Variants in RUFY1 observed in about 807,000 individuals in gnomAD.
The protein encoded by RUFY1 is RUN and FYVE domain containing 1.
Under a neutral mutation model 94.6 loss-of-function variants are expected in RUFY1, and 54 were observed. The observed-to-expected ratio is 0.57, with a 90% confidence interval of 0.46 to 0.72. The LOEUF is 0.72. RUFY1 is among the 30% of genes least tolerant of loss of function. The pLI, the probability that RUFY1 is intolerant of heterozygous loss-of-function variation, is 0.00. For missense variants in RUFY1, 883 were observed against 883.9 expected (o/e 1.00, Z 0.01); for synonymous variants, 396 against 347.3 (o/e 1.14, Z -1.56).
intron 8 of RUFY1, among the ~76,000 whole-genome samples, chr5:179,589,129 T>C (rs1380436520): frequency 2.0e-5 from 3 of 152,228 alleles, no homozygotes; most frequent in Admixed American, 1.3e-4. Flanking sequence ...TATTATATCT[T>C]AAGTATGTTC....
At position 179,565,999 on chromosome 5, in the gene RUFY1, G is replaced by T. The variant is rs79643178; in HGVS notation, c.603-1462G>T. 7.5e-3 allele frequency among the ~76,000 whole-genome samples: 1,146 copies of T among 152,096 alleles called. 35 individuals carry two copies. The highest frequency in any genetic ancestry group is 0.061 in the Admixed American group (923 of 15,256). On this transcript the variant is annotated intron_variant, in intron 3 of 17. Coordinates refer to ENST00000319449, the MANE Select transcript of RUFY1 (RefSeq NM_025158.5). ...TCTACAAAAAAAAAAAATTAGTTGGGTGTGGTAGCACGTGCCTGCTGTCCC... is the reference window on the plus strand; with the variant it reads ...TCTACAAAAAAAAAAAATTAGTTGGTTGTGGTAGCACGTGCCTGCTGTCCC...
chr5:179,551,472 G>C (rs935816027), intron 1 of RUFY1, among the ~76,000 whole-genome samples: 19 of 152,178 alleles, frequency 1.2e-4, no homozygotes, highest in African/African-American at 4.3e-4. Context: ...ATATGTTTTT[G>C]TGTGTGTGTT....
At chr5:179,608,988 CGG>C (rs1302524752) in intron 17 of RUFY1, among the ~76,000 whole-genome samples, 7 of 150,134 alleles carry the variant, frequency 4.7e-5, no homozygotes, top group Non-Finnish European at 8.8e-5. Context: ...GAGGCCAAGG[CGG>C]AGGCAGATCA....
chr5:179,584,990 GC>G (rs1216075703), intron 7 of RUFY1, among the ~76,000 whole-genome samples: 1 of 152,036 alleles, frequency 6.6e-6, no homozygotes, highest in East Asian at 1.9e-4. Flanking sequence ...AATTAGCCGA[GC>G]ATGTTGACGG....
At chr5:179,569,216 A>G in intron 4 of RUFY1, 86 bp from the exon 5 acceptor site, 2 of 1,602,082 alleles carry the variant, frequency 1.2e-6, no homozygotes, top group Non-Finnish European at 1.7e-6. Context: ...TCCAGGGCAC[A>G]GGTGAAAAGG....
At chr5:179,598,355 C>T in intron 13 of RUFY1, 1 of 273,524 alleles carries the variant, frequency 3.7e-6, no homozygotes, top group Non-Finnish European at 7.1e-6. Context: ...AGAGCTAGAC[C>T]CTGTCTCAAA....
At chr5:179,598,288 A>C in intron 13 of RUFY1, 1 of 173,674 alleles carries the variant, frequency 5.8e-6, no homozygotes, top group South Asian at 1.3e-4. Context: ...ACTTGAGCCC[A>C]GGAGGTCGAG....
rs373286885 is a variant in RUFY1 at position 179,552,880 on chromosome 5, T to C, written c.310+2001T>C. Among the ~76,000 whole-genome samples, 12 of 152,356 alleles carry C rather than the reference T, an allele frequency of 7.9e-5. 1 individual carries two copies. The South Asian group carries it at 1.4e-3, about 18-fold the overall frequency. ...TGATAGAAACAATAGCCAACACTTATATTGTCCTTCAAAGGTGCCAGGCAT... is the reference window on the plus strand; with the variant it reads ...TGATAGAAACAATAGCCAACACTTACATTGTCCTTCAAAGGTGCCAGGCAT... On this transcript the variant is annotated intron_variant, in intron 1 of 17. Transcript: ENST00000319449.
chr5:179,570,105 C>T (rs796683855), intron 5 of RUFY1, among the ~76,000 whole-genome samples: 1 of 151,954 alleles, frequency 6.6e-6, no homozygotes, highest in African/African-American at 2.4e-5. Context: ...GTCTCAATCT[C>T]CTGACCTCGT....
In RUFY1 at chr5:179,589,555, G is replaced by A. The variant is rs759321036; in HGVS notation, c.1036G>A (p.Ala346Thr). 1.1e-5 allele frequency: 18 copies of A among 1,613,366 alleles called. No individual in the cohort carries two copies. Among genetic ancestry groups the A allele is most frequent in the Non-Finnish European group, 1.5e-5 (18 of 1,179,454 alleles). ...AATTTTCCTTAATCAGCTTTCAGCT[G>A]CAACAGACCGAATTTGCTCACTTCA... Reference protein sequence around the residue: ...NSKLQEELSAATDRICSLQEE... With the variant: ...NSKLQEELSATTDRICSLQEE... The change falls in exon 9 of 18, where the codon GCA (alanine) becomes ACA (threonine). Residue 346 changes from alanine (A) to threonine (T), a missense_variant. Physicochemically the swap from Ala to Thr is moderately conservative, Grantham distance 58. Transcript: ENST00000319449.
chr5:179,558,248 T>C (rs1323342612), intron 1 of RUFY1, among the ~76,000 whole-genome samples: 1 of 152,180 alleles, frequency 6.6e-6, no homozygotes, highest in African/African-American at 2.4e-5. Flanking sequence ...AATTTATAAA[T>C]ATAATACATA....
At chr5:179,602,183 G>A (rs1766503810) in intron 15 of RUFY1, 197 bp downstream of exon 15, 3 of 570,672 alleles carry the variant, frequency 5.3e-6, no homozygotes, top group African/African-American at 3.7e-5. Flanking sequence ...CACATGGGGT[G>A]TCAGCGAGCT....
At position 179,550,629 on chromosome 5, in the gene RUFY1, G is replaced by A; in HGVS notation, c.60G>A (p.Leu20=). ...AGRGRELEPE[L]EPGPGPGSAL... Reference sequence around the variant, plus strand: ...GGGGGCGGGAGCTGGAGCCGGAGCTGGAGCCGGGGCCGGGGCCCGGGTCAG... The same window carrying A: ...GGGGGCGGGAGCTGGAGCCGGAGCTAGAGCCGGGGCCGGGGCCCGGGTCAG... Residue 20 remains leucine (L), a synonymous_variant, in exon 1 of 18, where the codon CTG becomes CTA. Transcript: ENST00000319449. 1 of 1,375,194 alleles carries A rather than the reference G, an allele frequency of 7.3e-7. No homozygotes were observed. The highest frequency in any genetic ancestry group is 1.4e-5 in the South Asian group (1 of 72,362). The allele number at this position is 1,375,194 out of a possible 1,614,324, so 85.2% of individuals were successfully genotyped here.
intron 9 of RUFY1, among the ~76,000 whole-genome samples, chr5:179,591,267 C>T (rs1004955338): frequency 2.0e-5 from 3 of 152,098 alleles, no homozygotes; most frequent in Non-Finnish European, 4.4e-5. Flanking sequence ...TCACTGCAAG[C>T]TCTGCCTCCC....
chr5:179,607,943 G>C (rs1767282985), intron 17 of RUFY1, among the ~76,000 whole-genome samples: 2 of 152,230 alleles, frequency 1.3e-5, no homozygotes, highest in Admixed American at 6.5e-5. Context: ...CTTGTGTGCA[G>C]AGCTGCTCTA....
Position 179,550,757 on chromosome 5 carries a change from C to T in RUFY1, c.188C>T (p.Ser63Leu). The change falls in exon 1 of 18, where the codon TCG becomes TTG. Residue 63 changes from serine (S) to leucine (L), a missense_variant. Coordinates refer to ENST00000319449, the MANE Select transcript of RUFY1 (RefSeq NM_025158.5). ...ATRPRAAEGW[S>L]APILTLARRA... ...AGGCCGCGGGCGGCCGAGGGCTGGT[C>T]GGCGCCCATCCTGACCCTGGCACGC... The T allele has an allele frequency of 6.9e-7, 1 of 1,442,422 alleles. No individual in the cohort carries two copies. Among genetic ancestry groups the T allele is most frequent in the Non-Finnish European group, 9.1e-7 (1 of 1,097,398 alleles). The allele number at this position is 1,442,422 out of a possible 1,614,324, so 89.4% of individuals were successfully genotyped here.
At chr5:179,561,168 A>C (rs1281888761) in intron 2 of RUFY1, among the ~76,000 whole-genome samples, 1 of 152,166 alleles carries the variant, frequency 6.6e-6, no homozygotes, top group Admixed American at 6.5e-5. Flanking sequence ...CTGAGATTGC[A>C]CCATTGCACT....
Position 179,589,338 on chromosome 5 carries a change from G to A in RUFY1, c.1027-208G>A, listed in dbSNP as rs1247327532. ...ATCTGGAGAGGGCAGAGATGGCTAG[G>A]GGCAAGGGCGGAGGAGAGATTTTAC... On this transcript the variant is annotated intron_variant, in intron 8 of 17. Transcript: ENST00000319449. 7.8e-6 allele frequency: 4 copies of A among 510,208 alleles called. No homozygotes were observed. The Admixed American group carries it at 9.9e-5, about 13-fold the overall frequency. 31.6% of individuals were successfully genotyped at this position (510,208 alleles called of 1,614,324 possible). A position where few individuals can be genotyped will look rare whatever the true frequency, so the allele number is the denominator to read the frequency against.
At position 179,591,660 on chromosome 5, in the gene RUFY1, T is replaced by C. The variant is rs1445328648; in HGVS notation, c.1164T>C (p.Thr388=). The part of the protein sequence containing the change: ...TKQDTKVELE[T]YKQTRQGLDE... The stretch of plus-strand genomic sequence containing the variant: ...AGGATACCAAAGTTGAGCTGGAGAC[T>C]TACAAGCAAACTCGGCAAGGTCTGG... The change falls in exon 10 of 18, where the codon ACT becomes ACC. Residue 388 remains threonine (T), a synonymous_variant. Coordinates refer to ENST00000319449, the MANE Select transcript of RUFY1 (RefSeq NM_025158.5). 1 of 1,613,240 alleles carries C rather than the reference T, an allele frequency of 6.2e-7. No individual in the cohort carries two copies.
Sources: gnomAD v4.1 joint callset for allele counts (sites outside exome capture counted in the v4.1 genomes callset) on GRCh38, gnomAD v4.1.1 for gene constraint, MANE v1.5 for transcripts, NCBI Gene and HGNC (gene_info 2026-07-23, HGNC 2026-07-21) for gene names.